The following RAP1GAP2 variants were observed in gnomAD, a reference collection of about 807,000 sequenced individuals.
RAP1GAP2 encodes rap1 GTPase-activating protein 2.
A neutral mutation model predicts 95.0 loss-of-function variants in RAP1GAP2; 27 were observed. That is an observed-to-expected ratio of 0.28 (90% CI 0.21 to 0.39). RAP1GAP2 has a LOEUF of 0.39. Among genes scored for constraint, RAP1GAP2 ranks in the 10% least tolerant of loss-of-function variants. RAP1GAP2 has a pLI of 1.00. For missense variants in RAP1GAP2, 771 were observed against 970.0 expected (o/e 0.79, Z 2.72); for synonymous variants, 373 against 380.9 (o/e 0.98, Z 0.24).
intron 1 of RAP1GAP2, among the ~76,000 whole-genome samples, chr17:2,789,479 G>C (rs1397553821): frequency 1.3e-5 from 2 of 151,976 alleles, no homozygotes; most frequent in Non-Finnish European, 1.5e-5. Flanking sequence ...CTTGGCAGAT[G>C]GACCTTACTG....
At chr17:2,971,659 A>AT (rs2044872204) in intron 8 of RAP1GAP2, among the ~76,000 whole-genome samples, 1 of 152,146 alleles carries the variant, frequency 6.6e-6, no homozygotes, top group Non-Finnish European at 1.5e-5. Flanking sequence ...TCTGTGTCTC[A>AT]TTTTCCTCAT....
intron 9 of RAP1GAP2, 81 bp downstream of exon 9, chr17:2,980,446 C>A: frequency 1.4e-6 from 2 of 1,394,094 alleles, no homozygotes; most frequent in Non-Finnish European, 2.0e-6. Context: ...CAGGTATATC[C>A]TGGGTAGGCT....
chr17:2,874,366 TAGGGTA>T (rs2072992967), intron 2 of RAP1GAP2, among the ~76,000 whole-genome samples: 1 of 152,152 alleles, frequency 6.6e-6, no homozygotes, highest in Admixed American at 6.6e-5. Flanking sequence ...AGCTCTTATC[TAGGGTA>T]AGGTCTGGGT....
intron 2 of RAP1GAP2, among the ~76,000 whole-genome samples, chr17:2,816,331 C>A (rs746639817): frequency 7.8e-4 from 118 of 151,186 alleles, no homozygotes; most frequent in Non-Finnish European, 1.5e-3. Context: ...TTTCATCAAA[C>A]CCTCTTATTT....
chr17:3,022,820 G>A (rs897973057), intron 19 of RAP1GAP2, among the ~76,000 whole-genome samples: 8 of 152,160 alleles, frequency 5.3e-5, no homozygotes, highest in East Asian at 3.8e-4. Flanking sequence ...ACAGACCAAC[G>A]TCCTAAAGCA....
At chr17:2,976,352 C>A (rs1276912747) in intron 8 of RAP1GAP2, among the ~76,000 whole-genome samples, 1 of 152,120 alleles carries the variant, frequency 6.6e-6, no homozygotes, top group Non-Finnish European at 1.5e-5. Context: ...CAAATAATAT[C>A]ATTTAGATTG....
chr17:2,874,924 C>T (rs2073024718), intron 2 of RAP1GAP2, among the ~76,000 whole-genome samples: 1 of 152,172 alleles, frequency 6.6e-6, no homozygotes, highest in Non-Finnish European at 1.5e-5. Flanking sequence ...CCATTTTGCT[C>T]ATGACTGTCG....
intron 2 of RAP1GAP2, among the ~76,000 whole-genome samples, chr17:2,896,654 C>T (rs1408969551): frequency 1.3e-5 from 2 of 152,192 alleles, no homozygotes; most frequent in Non-Finnish European, 2.9e-5. Flanking sequence ...CGAGGGGGCC[C>T]CAGGTGCCCC....
intron 3 of RAP1GAP2, among the ~76,000 whole-genome samples, chr17:2,938,052 G>T (rs932013770): frequency 2.0e-5 from 3 of 152,204 alleles, no homozygotes; most frequent in Non-Finnish European, 4.4e-5. Context: ...CAGGGAGCGA[G>T]CACGGAGCCA....
intron 22 of RAP1GAP2, among the ~76,000 whole-genome samples, chr17:3,028,022 G>T (rs897784606): frequency 6.6e-6 from 1 of 152,060 alleles, no homozygotes. Flanking sequence ...CTCTGCCCTC[G>T]TGAGGGCAGC....
intron 2 of RAP1GAP2, among the ~76,000 whole-genome samples, chr17:2,826,543 C>T (rs953844623): frequency 4.0e-5 from 6 of 151,348 alleles, no homozygotes; most frequent in South Asian, 2.1e-4. Context: ...CTTGGGAAGG[C>T]GGCCTTGGGA....
chr17:3,008,287 G>C lies in RAP1GAP2; in HGVS notation c.1494+142G>C. On this transcript the variant is annotated intron_variant, in intron 17 of 24. Transcript: ENST00000254695. This position sits in a 1 kb window ranked among gnomAD's most constrained non-coding sequence, Gnocchi z 4.2. The stretch of plus-strand genomic sequence containing the variant: ...CAGGAAACGTATGGGTATCCTAGGT[G>C]TTTGCAAAGGGCAGGGCCGTTAGGA... 7.8e-7 allele frequency: 1 copy of C among 1,275,948 alleles called. No homozygotes were observed. The highest frequency in any genetic ancestry group is 1.1e-6 in the Non-Finnish European group (1 of 921,938). 79.0% of individuals were successfully genotyped at this position (1,275,948 alleles called of 1,614,324 possible).
chr17:2,914,173 C>T (rs188940196), intron 3 of RAP1GAP2, among the ~76,000 whole-genome samples: 192 of 152,150 alleles, frequency 1.3e-3, no homozygotes, highest in Non-Finnish European at 2.2e-3. Context: ...CATGCCTGGC[C>T]GGTGACTGTT....
intron 2 of RAP1GAP2, among the ~76,000 whole-genome samples, chr17:2,882,098 G>T (rs1351999244): frequency 6.7e-6 from 1 of 149,638 alleles, no homozygotes; most frequent in Non-Finnish European, 1.5e-5. Flanking sequence ...GGGATTACAG[G>T]CATGAGCCAC....
At chr17:2,878,845 G>A (rs556659514) in intron 2 of RAP1GAP2, among the ~76,000 whole-genome samples, 3 of 152,224 alleles carry the variant, frequency 2.0e-5, no homozygotes, top group Non-Finnish European at 2.9e-5. Context: ...TGGTAGCTGC[G>A]TGAGCACGCG....
At chr17:2,958,893 G>A (rs192074998) in intron 4 of RAP1GAP2, among the ~76,000 whole-genome samples, 7 of 152,196 alleles carry the variant, frequency 4.6e-5, no homozygotes, top group South Asian at 2.1e-4. Context: ...TGTTACTGCC[G>A]TGTCACCGAG....
chr17:2,930,836 CAA>C (rs951952837), intron 3 of RAP1GAP2, among the ~76,000 whole-genome samples: 12 of 152,128 alleles, frequency 7.9e-5, no homozygotes, highest in Non-Finnish European at 1.3e-4. Context: ...TAAAACAAAA[CAA>C]AAGAGCTGGG....
intron 2 of RAP1GAP2, among the ~76,000 whole-genome samples, chr17:2,899,096 G>A (rs913526323): frequency 3.3e-5 from 5 of 152,174 alleles, no homozygotes; most frequent in African/African-American, 1.2e-4. Flanking sequence ...CCTGTCACTC[G>A]GCACCGTGCT....
At chr17:2,998,399 G>A (rs1822905508) in intron 14 of RAP1GAP2, 23 bp downstream of exon 14, 1 of 1,611,288 alleles carries the variant, frequency 6.2e-7, no homozygotes, top group African/African-American at 1.3e-5. Context: ...CCTTGTTGGA[G>A]GGAGTGGTGG....
Sources: allele counts gnomAD v4.1 joint callset (sites outside exome capture counted in the v4.1 genomes callset), GRCh38; gene constraint gnomAD v4.1.1; non-coding constraint Gnocchi (gnomAD v3.1); transcripts MANE v1.5; gene names NCBI Gene and HGNC (gene_info 2026-07-23, HGNC 2026-07-21).